The following C3orf20 variants were observed in gnomAD, a reference collection of about 807,000 sequenced individuals.
C3orf20 encodes family with sequence similarity 149 member C.
C3orf20 carries 76 observed loss-of-function variants against 88.3 expected under a neutral mutation model. The ratio of observed to expected loss-of-function variants is 0.86; its 90% CI spans 0.72 to 1.04. The LOEUF (loss-of-function observed/expected upper bound fraction) is 1.04. Among genes scored for constraint, C3orf20 ranks in the 50% least tolerant of loss-of-function variants. The pLI is 0.00. For missense variants in C3orf20, 1,056 were observed against 1,123.3 expected, an observed-to-expected ratio of 0.94 and a Z score of 0.86; for synonymous variants, 436 against 437.4, an observed-to-expected ratio of 1.00 and a Z score of 0.04.
chr3:14,688,350 T>C (rs1466072090), intron 4 of C3orf20, among the ~76,000 whole-genome samples: 1 of 151,306 alleles, frequency 6.6e-6, no homozygotes, highest in Admixed American at 6.6e-5. Flanking sequence ...GCCAACATGA[T>C]GAAACCCTGT....
At chr3:14,685,147 C>T (rs1011098272) in intron 4 of C3orf20, among the ~76,000 whole-genome samples, 9 of 151,644 alleles carry the variant, frequency 5.9e-5, no homozygotes, top group Non-Finnish European at 1.2e-4. Flanking sequence ...TAATGAATCA[C>T]GAAAATGAGT....
chr3:14,679,045 G>A (rs2031943747), intron 1 of C3orf20, among the ~76,000 whole-genome samples: 1 of 152,200 alleles, frequency 6.6e-6, no homozygotes, highest in African/African-American at 2.4e-5. Flanking sequence ...TGCTTCCAAT[G>A]TCACCATCTC....
chr3:14,715,679 TTAA>T (rs2033912512), intron 9 of C3orf20, among the ~76,000 whole-genome samples: 1 of 152,256 alleles, frequency 6.6e-6, no homozygotes, highest in Non-Finnish European at 1.5e-5. Flanking sequence ...ATTTTTATTA[TTAA>T]TATTATTCTG....
intron 12 of C3orf20, among the ~76,000 whole-genome samples, chr3:14,743,573 T>C (rs2034977430): frequency 6.6e-6 from 1 of 152,000 alleles, no homozygotes; most frequent in African/African-American, 2.4e-5. Flanking sequence ...AGTAGGGACT[T>C]TGCATGGGGG....
chr3:14,712,364 A>G (rs538591311), intron 7 of C3orf20, among the ~76,000 whole-genome samples: 27 of 152,184 alleles, frequency 1.8e-4, no homozygotes, highest in African/African-American at 6.5e-4. Context: ...CCCTGTTGAC[A>G]CCTTGATCTT....
At chr3:14,708,912 G>T (rs2033629761) in intron 7 of C3orf20, among the ~76,000 whole-genome samples, 1 of 152,126 alleles carries the variant, frequency 6.6e-6, no homozygotes, top group Admixed American at 6.5e-5. Flanking sequence ...CCAAAGTGCT[G>T]GGATTACAGG....
chr3:14,759,223 A>G (rs1036198334), intron 13 of C3orf20, among the ~76,000 whole-genome samples: 1 of 152,168 alleles, frequency 6.6e-6, no homozygotes, highest in Non-Finnish European at 1.5e-5. Context: ...CAGCTAGAAC[A>G]CTGGGTGTGG....
chr3:14,761,504 G>A lies in C3orf20; in HGVS notation c.2384G>A (p.Gly795Asp), dbSNP rs1201678612. 1.2e-6 allele frequency: 2 copies of A among 1,613,980 alleles called. No homozygotes were observed. Among genetic ancestry groups the A allele is most frequent in the Admixed American group, 1.7e-5 (1 of 60,016 alleles). ...MFAGGKLIFGGRVLNGYGLSK... is the reference protein window; with the variant it reads ...MFAGGKLIFGDRVLNGYGLSK... ...GCCGGGGGGAAGCTCATTTTTGGGG[G>A]CCGTGTTTTGAATGGATATGGCCTC... Residue 795 changes from glycine to aspartate, a missense_variant, in exon 15 of 17, where the codon GGC becomes GAC. Physicochemically the swap from Gly to Asp is moderately conservative, Grantham distance 94 (BLOSUM62 -1). Coordinates refer to ENST00000253697, the MANE Select transcript of C3orf20 (RefSeq NM_032137.5).
chr3:14,684,138 GCTCTA>G (rs2032267427), intron 3 of C3orf20, 99 bp from the exon 4 acceptor site: 4 of 1,476,270 alleles, frequency 2.7e-6, no homozygotes, highest in Admixed American at 1.9e-5. Context: ...TAGGAATAGC[GCTCTA>G]CTCTACCCTT....
At chr3:14,716,983 T>C (rs2033966552) in intron 9 of C3orf20, among the ~76,000 whole-genome samples, 1 of 152,186 alleles carries the variant, frequency 6.6e-6, no homozygotes, top group African/African-American at 2.4e-5. Flanking sequence ...CATAGTTGTA[T>C]GAAAAGTGTA....
intron 6 of C3orf20, 125 bp from the exon 7 acceptor site, chr3:14,704,212 G>A: frequency 1.0e-6 from 1 of 971,508 alleles, no homozygotes; most frequent in Non-Finnish European, 1.5e-6. Flanking sequence ...CATGGGTTGG[G>A]GATGTGTACT....
At chr3:14,742,490 C>T (rs570562525) in intron 12 of C3orf20, among the ~76,000 whole-genome samples, 2 of 152,292 alleles carry the variant, frequency 1.3e-5, no homozygotes, top group East Asian at 3.9e-4. Flanking sequence ...GGTCAGTGGG[C>T]TTCTGAGTCC....
intron 10 of C3orf20, 113 bp from the exon 11 acceptor site, chr3:14,726,788 G>C: frequency 2.1e-6 from 3 of 1,446,664 alleles, no homozygotes; most frequent in Non-Finnish European, 2.8e-6. Flanking sequence ...TAGGGGTAGG[G>C]GGGCAGGCAA....
intron 10 of C3orf20, among the ~76,000 whole-genome samples, chr3:14,724,138 T>G (rs2034269179): frequency 6.6e-6 from 1 of 152,104 alleles, no homozygotes; most frequent in Non-Finnish European, 1.5e-5. Context: ...TATTGTTAAG[T>G]GATTAAGTAT....
Position 14,682,945 on chromosome 3 carries a change from G to C in C3orf20, c.232G>C (p.Val78Leu). 2 of 1,614,128 alleles carry C rather than the reference G, an allele frequency of 1.2e-6. No homozygotes were observed. The highest frequency in any genetic ancestry group is 1.7e-6 in the Non-Finnish European group (2 of 1,180,026). Residue 78 changes from valine to leucine, a missense_variant, in exon 3 of 17, where the codon GTG (valine) becomes CTG (leucine). Physicochemically the swap from Val to Leu is conservative, Grantham distance 32. Coordinates refer to ENST00000253697, the MANE Select transcript of C3orf20 (RefSeq NM_032137.5). ...GLEVSFGAPL[V>L]VLMEPTFVQV... ...GGAGGTCAGCTTTGGAGCCCCCCTG[G>C]TGGTGCTCATGGAACCCACCTTTGT...
At chr3:14,690,357 C>T (rs1386452219) in intron 5 of C3orf20, among the ~76,000 whole-genome samples, 1 of 152,188 alleles carries the variant, frequency 6.6e-6, no homozygotes, top group Non-Finnish European at 1.5e-5. Context: ...TTGCTCATGC[C>T]CTACATTCCC....
intron 4 of C3orf20, among the ~76,000 whole-genome samples, chr3:14,684,654 A>C (rs777668747): frequency 6.6e-6 from 1 of 152,210 alleles, no homozygotes; most frequent in Non-Finnish European, 1.5e-5. Context: ...CCGTGCTCTC[A>C]AGCTACGTGC....
Position 14,721,866 on chromosome 3 carries a change from G to T in C3orf20, c.1566+82G>T, listed in dbSNP as rs1337843095. ...TGCTGTTTCATATCTCAGGGCCTTTGCTCTTACTCCCCACCACCCTTCCAT... is the reference window on the plus strand; with the variant it reads ...TGCTGTTTCATATCTCAGGGCCTTTTCTCTTACTCCCCACCACCCTTCCAT... On this transcript the variant is annotated intron_variant, in intron 10 of 16. Coordinates refer to ENST00000253697, the MANE Select transcript of C3orf20 (RefSeq NM_032137.5). 3 of 1,557,030 alleles carry T rather than the reference G, an allele frequency of 1.9e-6. No homozygotes were observed. In the South Asian group the frequency reaches 3.5e-5, roughly 18 times the overall value.
At chr3:14,694,927 A>T (rs2124916668) in intron 5 of C3orf20, among the ~76,000 whole-genome samples, 1 of 152,140 alleles carries the variant, frequency 6.6e-6, no homozygotes, top group East Asian at 1.9e-4. Context: ...AGTAGCTGGG[A>T]TTACAGACAT....
Sources: gnomAD v4.1 joint callset for allele counts (sites outside exome capture counted in the v4.1 genomes callset) on GRCh38, gnomAD v4.1.1 for gene constraint, MANE v1.5 for transcripts, NCBI Gene and HGNC (gene_info 2026-07-23, HGNC 2026-07-21) for gene names.